PRKD1: variants seen among roughly 807,000 people sequenced by gnomAD.
PRKD1 encodes the protein protein kinase D1.
In PRKD1, 63 loss-of-function variants were observed where a neutral mutation model predicts 95.9. The observed-to-expected ratio is 0.66, with a 90% CI of 0.54 to 0.81. The LOEUF (loss-of-function observed/expected upper bound fraction) is 0.81. PRKD1 is among the 30% of genes least tolerant of loss of function. The pLI is 0.00. For synonymous variants in PRKD1, 425 were observed against 423.1 expected (o/e 1.00, Z -0.05); for missense variants, 1,048 against 1,165.3 (o/e 0.90, Z 1.47).
intron 4 of PRKD1, chr14:29,650,226 T>C (rs889082952): frequency 2.0e-5 from 3 of 152,538 alleles, no homozygotes; most frequent in Non-Finnish European, 4.4e-5. Context: ...GTCAGATTAG[T>C]TGTCACTCCC....
At chr14:29,916,013 T>C (rs770855299) in intron 1 of PRKD1, among the ~76,000 whole-genome samples, 1 of 152,156 alleles carries the variant, frequency 6.6e-6, no homozygotes, top group African/African-American at 2.4e-5. Context: ...AAGATACAGA[T>C]TGGCACACAA....
At chr14:29,905,992 TA>T in intron 1 of PRKD1, among the ~76,000 whole-genome samples, 1 of 152,090 alleles carries the variant, frequency 6.6e-6, no homozygotes, top group East Asian at 1.9e-4. Context: ...AGAAAAAAGA[TA>T]AAAACAGTAA....
At chr14:29,691,584 T>C (rs150722311) in intron 2 of PRKD1, among the ~76,000 whole-genome samples, 1 of 152,252 alleles carries the variant, frequency 6.6e-6, no homozygotes, top group East Asian at 1.9e-4. Flanking sequence ...GCAAAACTAA[T>C]TGCACCCAAA....
chr14:29,719,655 C>G (rs1422838518), intron 2 of PRKD1, among the ~76,000 whole-genome samples: 1 of 152,176 alleles, frequency 6.6e-6, no homozygotes, highest in African/African-American at 2.4e-5. Flanking sequence ...AAATATCTGA[C>G]TTCTCTACTT....
At chr14:29,717,146 G>A (rs200364271) in intron 2 of PRKD1, among the ~76,000 whole-genome samples, 1 of 152,078 alleles carries the variant, frequency 6.6e-6, no homozygotes, top group Non-Finnish European at 1.5e-5. Flanking sequence ...TTGCTGGCTT[G>A]TACATTTCAT....
At chr14:29,872,876 C>G (rs1037277545) in intron 1 of PRKD1, among the ~76,000 whole-genome samples, 2 of 152,052 alleles carry the variant, frequency 1.3e-5, no homozygotes, top group Non-Finnish European at 2.9e-5. Flanking sequence ...GTCAGTTTCC[C>G]TTTGACACTT....
intron 2 of PRKD1, among the ~76,000 whole-genome samples, chr14:29,692,122 A>C (rs1263812146): frequency 1.3e-5 from 2 of 152,190 alleles, no homozygotes; most frequent in African/African-American, 4.8e-5. Flanking sequence ...GTGAGTCATT[A>C]ATTTATGAGT....
chr14:29,874,357 C>G (rs539377199), intron 1 of PRKD1, among the ~76,000 whole-genome samples: 1 of 152,214 alleles, frequency 6.6e-6, no homozygotes, highest in South Asian at 2.1e-4. Flanking sequence ...GCAAAGGGAA[C>G]TCTTATAAAC....
At chr14:29,807,399 T>A (rs7151459) in intron 1 of PRKD1, among the ~76,000 whole-genome samples, 3,446 of 146,068 alleles carry the variant, frequency 0.024, 109 homozygotes, top group Admixed American at 0.09. Context: ...CCTCTTTTTT[T>A]AAAAAAAAAA....
intron 1 of PRKD1, among the ~76,000 whole-genome samples, chr14:29,835,299 C>A (rs189990789): frequency 1.3e-5 from 2 of 152,246 alleles, no homozygotes; most frequent in African/African-American, 4.8e-5. Context: ...CTCTTTCCTT[C>A]TTTTATTGGC....
intron 1 of PRKD1, among the ~76,000 whole-genome samples, chr14:29,887,548 A>G (rs2139406655): frequency 6.6e-6 from 1 of 152,342 alleles, no homozygotes; most frequent in African/African-American, 2.4e-5. Flanking sequence ...CGATACATAA[A>G]GTTTAGGTCC....
intron 9 of PRKD1, among the ~76,000 whole-genome samples, chr14:29,631,731 C>T (rs1277377758): frequency 6.6e-6 from 1 of 152,048 alleles, no homozygotes; most frequent in Non-Finnish European, 1.5e-5. Flanking sequence ...AACTCCTAAC[C>T]TCATGCTGCC....
chr14:29,765,942 T>C (rs898461162), intron 1 of PRKD1, among the ~76,000 whole-genome samples: 1 of 152,122 alleles, frequency 6.6e-6, no homozygotes, highest in African/African-American at 2.4e-5. Flanking sequence ...TTTCTAGACC[T>C]GGGGGTGACT....
At chr14:29,578,686 T>A (rs576670482) in intron 16 of PRKD1, among the ~76,000 whole-genome samples, 2 of 151,810 alleles carry the variant, frequency 1.3e-5, no homozygotes, top group Non-Finnish European at 2.9e-5. Context: ...TATATGTACA[T>A]CATTTAAATA....
chr14:29,881,507 TCA>T (rs1446743734), intron 1 of PRKD1, among the ~76,000 whole-genome samples: 1 of 152,176 alleles, frequency 6.6e-6, no homozygotes, highest in East Asian at 1.9e-4. Flanking sequence ...GAAATGACAC[TCA>T]CAGTTTTCCT....
chr14:29,876,908 T>C (rs1365327403), intron 1 of PRKD1, among the ~76,000 whole-genome samples: 1 of 152,002 alleles, frequency 6.6e-6, no homozygotes, highest in Non-Finnish European at 1.5e-5. Context: ...TCCTAGCACG[T>C]TGGGAGGCCG....
At chr14:29,648,153 A>G (rs1881251305) in intron 4 of PRKD1, among the ~76,000 whole-genome samples, 1 of 151,852 alleles carries the variant, frequency 6.6e-6, no homozygotes, top group Non-Finnish European at 1.5e-5. Flanking sequence ...TTTAACTTTT[A>G]CTTCAAGGGG....
At chr14:29,832,034 C>A (rs1293130129) in intron 1 of PRKD1, among the ~76,000 whole-genome samples, 1 of 152,120 alleles carries the variant, frequency 6.6e-6, no homozygotes, top group Non-Finnish European at 1.5e-5. Flanking sequence ...TCCTCACAAA[C>A]AAACAATGCT....
chr14:29,632,791 T>C, intron 9 of PRKD1, 78 bp downstream of exon 9: 1 of 1,316,940 alleles, frequency 7.6e-7, no homozygotes, highest in Non-Finnish European at 1.1e-6. Flanking sequence ...TTGGATGTAT[T>C]TCCTATTTCT....
Sources: allele counts gnomAD v4.1 joint callset (sites outside exome capture counted in the v4.1 genomes callset), GRCh38; gene constraint gnomAD v4.1.1; transcripts MANE v1.5; gene names NCBI Gene and HGNC (gene_info 2026-07-23, HGNC 2026-07-21).